Variants in DLGAP2 observed in about 807,000 individuals in gnomAD.
The protein encoded by DLGAP2 is DLG associated protein 2, also known as disks large-associated protein 2.
A neutral mutation model predicts 100.3 loss-of-function variants in DLGAP2; 26 were observed. The ratio of observed to expected loss-of-function variants is 0.26; its 90% CI spans 0.19 to 0.36. The LOEUF is 0.36. DLGAP2 is among the 10% of genes least tolerant of loss of function. The pLI, the probability that DLGAP2 is intolerant of heterozygous loss-of-function variation, is 1.00. For synonymous variants in DLGAP2, 886 were observed against 630.1 expected (o/e 1.41, Z -6.08); for missense variants, 1,858 against 1,453.2 (o/e 1.28, Z -4.53).
rs140070268 is a variant in DLGAP2, at chr8:1,220,605, A to G, written c.74-38246A>G. ...TTGTTGGGGAGAGTATTCTGTAGAT[A>G]TCTATTAGGTCTATTTGGTCAAGTG... On this transcript the variant is annotated intron_variant, in intron 2 of 14. Transcript: ENST00000637795. Among the ~76,000 whole-genome samples, 343 of 152,258 alleles carry G rather than the reference A, an allele frequency of 2.3e-3. 1 individual carries two copies. Among genetic ancestry groups the G allele is most frequent in the African/African-American group, 7.7e-3 (322 of 41,558 alleles).
chr8:1,108,813 A>G (rs1352592019), intron 2 of DLGAP2, among the ~76,000 whole-genome samples: 10 of 86,362 alleles, frequency 1.2e-4, no homozygotes, highest in East Asian at 8.4e-4. Context: ...GAATGTGTCT[A>G]TGAGGTGTGC....
At chr8:1,667,734 T>C (rs1798580991) in intron 8 of DLGAP2, among the ~76,000 whole-genome samples, 1 of 152,154 alleles carries the variant, frequency 6.6e-6, no homozygotes, top group African/African-American at 2.4e-5. Flanking sequence ...ATGCATAGTT[T>C]AGCATCCGGC....
At chr8:997,074 T>A (rs1800802407) in intron 2 of DLGAP2, among the ~76,000 whole-genome samples, 1 of 152,212 alleles carries the variant, frequency 6.6e-6, no homozygotes, top group African/African-American at 2.4e-5. Flanking sequence ...TATACATGCA[T>A]GTGACGGACT....
At chr8:1,115,535 A>G (rs1233824294) in intron 2 of DLGAP2, among the ~76,000 whole-genome samples, 1 of 152,234 alleles carries the variant, frequency 6.6e-6, no homozygotes, top group Admixed American at 6.5e-5. Context: ...GTGTATGTAA[A>G]GTGCCTAAGA....
chr8:1,230,178 A>G (rs1798505721), intron 2 of DLGAP2, among the ~76,000 whole-genome samples: 2 of 152,206 alleles, frequency 1.3e-5, no homozygotes, highest in Non-Finnish European at 2.9e-5. Flanking sequence ...TCAGCATACA[A>G]AATCAATGTA....
chr8:776,367 T>G lies in DLGAP2; in HGVS notation c.18+38542T>G, dbSNP rs1412728249. Among the ~76,000 whole-genome samples the G allele has an allele frequency of 2.6e-5, 4 of 151,926 alleles. No homozygotes were observed. The East Asian group carries it at 7.7e-4, about 29-fold the overall frequency. On this transcript the variant is annotated intron_variant, in intron 1 of 14. Coordinates refer to ENST00000637795, the MANE Select transcript of DLGAP2 (RefSeq NM_001346810.2). Reference sequence around the variant, plus strand: ...CTATTTCCTTCAGTTCTGCTCTGATTTTAGTTATTTCTTGCCTTCTGCTAG... The same window carrying G: ...CTATTTCCTTCAGTTCTGCTCTGATGTTAGTTATTTCTTGCCTTCTGCTAG...
At chr8:936,872 A>G (rs1799084306) in intron 2 of DLGAP2, among the ~76,000 whole-genome samples, 1 of 152,184 alleles carries the variant, frequency 6.6e-6, no homozygotes, top group Non-Finnish European at 1.5e-5. Flanking sequence ...GCAGTGTAGG[A>G]GAAGATTCTG....
intron 2 of DLGAP2, among the ~76,000 whole-genome samples, chr8:1,139,344 C>T (rs1404727390): frequency 6.6e-6 from 1 of 152,344 alleles, no homozygotes; most frequent in Admixed American, 6.5e-5. Flanking sequence ...ATAGGCTGGG[C>T]AGCCTTGTCA....
intron 2 of DLGAP2, among the ~76,000 whole-genome samples, chr8:1,000,100 GGATTTTCTCTA>G (rs1800903591): frequency 6.8e-6 from 1 of 147,216 alleles, no homozygotes. Context: ...CTTTTGCACT[GGATTTTCTCTA>G]GAGCAGACAG....
Position 1,485,904 on chromosome 8 carries a change from G to A in DLGAP2, c.107-15462G>A, listed in dbSNP as rs541125534. ...CTGGGTGTGGTGGTTGGCACCTGTCGTCCCAGCTACTCAGGAGGAGGCTGA... is the reference window on the plus strand; with the variant it reads ...CTGGGTGTGGTGGTTGGCACCTGTCATCCCAGCTACTCAGGAGGAGGCTGA... On this transcript the variant is annotated intron_variant, in intron 3 of 14. Transcript: ENST00000637795. Among the ~76,000 whole-genome samples the A allele has an allele frequency of 2.3e-4, 35 of 152,260 alleles. 1 individual carries two copies. The highest frequency in any genetic ancestry group is 7.0e-4 in the African/African-American group (29 of 41,550).
intron 1 of DLGAP2, among the ~76,000 whole-genome samples, chr8:749,028 C>T (rs917158992): frequency 6.6e-6 from 1 of 152,098 alleles, no homozygotes. Context: ...TGAGAGGGGG[C>T]CTTGCTTGTT....
chr8:894,609 G>T (rs1340349509), intron 1 of DLGAP2, among the ~76,000 whole-genome samples: 2 of 121,906 alleles, frequency 1.6e-5, no homozygotes, highest in African/African-American at 3.2e-5. Flanking sequence ...GGTGGGGAGA[G>T]CAGAGTGACA....
At chr8:1,298,548 A>T (rs1054329455) in intron 3 of DLGAP2, among the ~76,000 whole-genome samples, 1 of 152,092 alleles carries the variant, frequency 6.6e-6, no homozygotes, top group Admixed American at 6.5e-5. Context: ...GAAGAGTGGC[A>T]GTCGCTGAGC....
rs61732784 is a variant in DLGAP2 at position 1,501,394 on chromosome 8, G to A, written c.135G>A (p.Pro45=). ...EEEEAGDLVQ[P]GISFPGPAEE... The stretch of plus-strand genomic sequence containing the variant: ...AAGAAGCTGGAGACTTGGTCCAGCC[G>A]GGCATCAGCTTTCCGGGGCCGGCAG... The change falls in exon 4 of 15, where the codon CCG becomes CCA. Residue 45 remains proline (P), a synonymous_variant. Transcript: ENST00000637795. 0.013 allele frequency: 19,659 copies of A among 1,535,790 alleles called. 155 individuals carry two copies. Among genetic ancestry groups the A allele is most frequent in the Non-Finnish European group, 0.015 (17,487 of 1,146,730 alleles).
intron 2 of DLGAP2, among the ~76,000 whole-genome samples, chr8:1,147,183 T>C (rs1249518538): frequency 6.6e-6 from 1 of 152,234 alleles, no homozygotes; most frequent in Non-Finnish European, 1.5e-5. Flanking sequence ...CAGTTTTCTG[T>C]GTATTTGTGC....
At chr8:1,590,069 G>C (rs59132397) in intron 6 of DLGAP2, among the ~76,000 whole-genome samples, 1 of 152,142 alleles carries the variant, frequency 6.6e-6, no homozygotes, top group Non-Finnish European at 1.5e-5. Context: ...CTCAGTGTCC[G>C]TGGCTGTGGG....
chr8:1,279,059 C>T (rs529726292), intron 3 of DLGAP2, among the ~76,000 whole-genome samples: 4 of 152,254 alleles, frequency 2.6e-5, no homozygotes, highest in East Asian at 3.9e-4. Flanking sequence ...AGGGGGTGTG[C>T]TTTAACTGCA....
At chr8:1,282,937 G>A (rs1205205074) in intron 3 of DLGAP2, among the ~76,000 whole-genome samples, 2 of 131,716 alleles carry the variant, frequency 1.5e-5, no homozygotes, top group African/African-American at 5.6e-5. Context: ...CAGACATGGT[G>A]TGACCTGAAC....
rs541038439 is a variant in DLGAP2, at chr8:1,229,589, T to A, written c.74-29262T>A. Among the ~76,000 whole-genome samples the A allele has an allele frequency of 2.6e-5, 4 of 152,278 alleles. No individual in the cohort carries two copies. The South Asian group carries it at 8.3e-4, about 32-fold the overall frequency. ...TAATGTGACCTTTGTCATTTCTGAT[T>A]GTGCTTATTGATGAACACAGATGCA... On this transcript the variant is annotated intron_variant, in intron 2 of 14. Transcript: ENST00000637795.
Sources: gnomAD v4.1 joint callset for allele counts (sites outside exome capture counted in the v4.1 genomes callset) on GRCh38, gnomAD v4.1.1 for gene constraint, MANE v1.5 for transcripts, NCBI Gene and HGNC (gene_info 2026-07-23, HGNC 2026-07-21) for gene names.